TAOK3: variants seen among roughly 807,000 people sequenced by gnomAD.
The protein encoded by TAOK3 is serine/threonine-protein kinase TAO3.
TAOK3 carries 40 observed loss-of-function variants against 120.4 expected under a neutral mutation model. The ratio of observed to expected loss-of-function variants is 0.33; its 90% CI spans 0.26 to 0.43. The LOEUF (loss-of-function observed/expected upper bound fraction) is 0.43, where lower values mean the gene tolerates loss of function less well. TAOK3 is among the 20% of genes least tolerant of loss of function. The pLI, the probability that TAOK3 is intolerant of heterozygous loss-of-function variation, is 1.00. For synonymous variants in TAOK3, 355 were observed against 387.5 expected, an observed-to-expected ratio of 0.92 and a Z score of 0.99; for missense variants, 821 against 1,112.1, an observed-to-expected ratio of 0.74 and a Z score of 3.72.
intron 4 of TAOK3, among the ~76,000 whole-genome samples, chr12:118,244,186 C>A (rs1365532661): frequency 1.3e-5 from 2 of 152,162 alleles, no homozygotes; most frequent in Non-Finnish European, 2.9e-5. Context: ...CTTGAGCCTC[C>A]CGAGTGGCTG....
At chr12:118,273,225 C>T (rs1049583019) in intron 1 of TAOK3, among the ~76,000 whole-genome samples, 13 of 151,516 alleles carry the variant, frequency 8.6e-5, no homozygotes, top group Admixed American at 6.6e-5. Context: ...AAAATAGGGC[C>T]AGCGCGGTGG....
intron 1 of TAOK3, among the ~76,000 whole-genome samples, chr12:118,344,715 A>C (rs1186735363): frequency 6.6e-6 from 1 of 152,216 alleles, no homozygotes; most frequent in African/African-American, 2.4e-5. Context: ...CTGCAAAATA[A>C]ATCATGACCA....
At chr12:118,238,015 G>T (rs1593257694) in intron 7 of TAOK3, 58 bp downstream of exon 7, 2 of 1,181,848 alleles carry the variant, frequency 1.7e-6, no homozygotes, top group Non-Finnish European at 2.4e-6. Context: ...AATTTTCAAG[G>T]TTCCTGGAAT....
chr12:118,170,012 C>T (rs1160368810), intron 17 of TAOK3, among the ~76,000 whole-genome samples: 11 of 152,214 alleles, frequency 7.2e-5, no homozygotes, highest in Admixed American at 3.9e-4. Flanking sequence ...TGAGCCACTG[C>T]GCCCGGCCTC....
At chr12:118,340,236 A>G (rs913528964) in intron 1 of TAOK3, among the ~76,000 whole-genome samples, 3 of 152,228 alleles carry the variant, frequency 2.0e-5, no homozygotes, top group Non-Finnish European at 4.4e-5. Context: ...ACTATAATGT[A>G]ACAATAACTT....
intron 14 of TAOK3, among the ~76,000 whole-genome samples, chr12:118,182,599 G>GTGTATATATATATA (rs1440847647): frequency 3.2e-5 from 3 of 93,902 alleles, no homozygotes; most frequent in East Asian, 7.5e-4. Flanking sequence ...GTGTGTGTGT[G>GTGTATATATATATA]TATATATATA....
intron 3 of TAOK3, chr12:118,246,382 C>A: frequency 1.9e-6 from 3 of 1,583,460 alleles, no homozygotes; most frequent in East Asian, 4.5e-5. Context: ...TTCCTGGGGG[C>A]CTCTCTCAAG....
intron 17 of TAOK3, among the ~76,000 whole-genome samples, 188 bp downstream of exon 17, chr12:118,172,269 T>C (rs1442281671): frequency 1.3e-5 from 2 of 152,184 alleles, no homozygotes; most frequent in Non-Finnish European, 2.9e-5. Flanking sequence ...GTTCTGTGAG[T>C]GGGCTTCCTC....
At chr12:118,222,987 T>C (rs1478181141) in intron 9 of TAOK3, among the ~76,000 whole-genome samples, 1 of 150,628 alleles carries the variant, frequency 6.6e-6, no homozygotes, top group African/African-American at 2.4e-5. Context: ...TTAATTTTAC[T>C]AAGGAAAATG....
At chr12:118,305,185 C>T (rs1172584343) in intron 1 of TAOK3, among the ~76,000 whole-genome samples, 1 of 152,106 alleles carries the variant, frequency 6.6e-6, no homozygotes, top group African/African-American at 2.4e-5. Flanking sequence ...AATAAGCATT[C>T]AATAAACTTA....
Position 118,214,076 on chromosome 12 carries a change from T to G in TAOK3, c.678A>C (p.Ala226=). The G allele has an allele frequency of 1.9e-6, 3 of 1,609,892 alleles. No homozygotes were observed. In the South Asian group the frequency reaches 3.3e-5, roughly 18 times the overall value. The change falls in exon 10 of 21, where the codon GCA becomes GCC. Residue 226 remains alanine (A), a synonymous_variant. Coordinates refer to ENST00000392533, the MANE Select transcript of TAOK3 (RefSeq NM_016281.4). ...GGGCAATGTGATATAAGGCACTCAT[T>G]GCATTCATGTTGAAAAGGGGCGGCT... ...ERKPPLFNMN[A]MSALYHIAQN...
intron 1 of TAOK3, among the ~76,000 whole-genome samples, chr12:118,285,613 A>G (rs2042241150): frequency 6.6e-6 from 1 of 152,204 alleles, no homozygotes; most frequent in Non-Finnish European, 1.5e-5. Context: ...TTGGCCTCCC[A>G]AAGTGCTGGG....
At chr12:118,323,677 A>T (rs777514649) in intron 1 of TAOK3, among the ~76,000 whole-genome samples, 9 of 152,166 alleles carry the variant, frequency 5.9e-5, no homozygotes, top group Non-Finnish European at 8.8e-5. Context: ...CCTTATATAA[A>T]TATATTAAGT....
rs1390461469 is a variant in TAOK3 at position 118,150,708 on chromosome 12, CAA to C, written c.*287_*288del. 3 of 265,664 alleles carry C rather than the reference CAA, an allele frequency of 1.1e-5. No homozygotes were observed. The highest frequency in any genetic ancestry group is 6.6e-5 in the African/African-American group (3 of 45,518). The allele number at this position is 265,664 out of a possible 1,614,324, so 16.5% of individuals were successfully genotyped here. A position where few individuals can be genotyped will look rare whatever the true frequency, so the allele number is the denominator to read the frequency against. ...TTATTGGTTTTGTTAAAACTGTCTC[CAA>C]AGTTTTCACTGAAACATTTTGAATC... On this transcript the variant is annotated 3_prime_UTR_variant, in exon 21 of 21. Coordinates refer to ENST00000392533, the MANE Select transcript of TAOK3 (RefSeq NM_016281.4).
intron 9 of TAOK3, among the ~76,000 whole-genome samples, chr12:118,219,168 A>G (rs921974651): frequency 6.6e-6 from 1 of 152,096 alleles, no homozygotes; most frequent in Admixed American, 6.6e-5. Context: ...TCAAAGAACC[A>G]AGCTCGGTGT....
chr12:118,346,892 A>G (rs1485899638), intron 1 of TAOK3, among the ~76,000 whole-genome samples: 2 of 152,238 alleles, frequency 1.3e-5, no homozygotes, highest in African/African-American at 4.8e-5. Context: ...TAAATTTTAC[A>G]GTGAAGCCAT....
chr12:118,303,702 C>T (rs2140739291), intron 1 of TAOK3, among the ~76,000 whole-genome samples: 1 of 152,280 alleles, frequency 6.6e-6, no homozygotes, highest in East Asian at 1.9e-4. Flanking sequence ...GGCTGGAGTG[C>T]AATGGCATGA....
chr12:118,314,261 AT>A (rs1279078401), intron 1 of TAOK3, among the ~76,000 whole-genome samples: 6 of 152,198 alleles, frequency 3.9e-5, no homozygotes, highest in Admixed American at 2.6e-4. Context: ...TTCATATGGA[AT>A]TTAGGTTTTC....
At chr12:118,348,237 A>G (rs1249856283) in intron 1 of TAOK3, among the ~76,000 whole-genome samples, 1 of 152,164 alleles carries the variant, frequency 6.6e-6, no homozygotes, top group Non-Finnish European at 1.5e-5. Flanking sequence ...CTTCTTGCTG[A>G]CCTTGATGTC....
Sources: allele counts gnomAD v4.1 joint callset (sites outside exome capture counted in the v4.1 genomes callset), GRCh38; gene constraint gnomAD v4.1.1; transcripts MANE v1.5; gene names NCBI Gene and HGNC (gene_info 2026-07-23, HGNC 2026-07-21).